Variants in SPTBN1 observed in about 807,000 individuals in gnomAD.
SPTBN1 encodes the protein spectrin beta chain, non-erythrocytic 1.
A neutral mutation model predicts 266.4 loss-of-function variants in SPTBN1; 32 were observed. The ratio of observed to expected loss-of-function variants is 0.12; its 90% CI spans 0.09 to 0.16. SPTBN1 has a LOEUF of 0.16. Ranked by LOEUF, SPTBN1 falls within the 10% of genes least tolerant of loss-of-function variation. The pLI is 1.00. For missense variants in SPTBN1, 2,296 were observed against 3,067.1 expected (o/e 0.75, Z 5.94); for synonymous variants, 1,336 against 1,162.2 (o/e 1.15, Z -3.04).
At chr2:54,477,683 G>A (rs1667904902) in intron 1 of SPTBN1, among the ~76,000 whole-genome samples, 1 of 152,146 alleles carries the variant, frequency 6.6e-6, no homozygotes. Flanking sequence ...GGAGGCTGAG[G>A]TGGGCGGAGC....
In SPTBN1 at chr2:54,630,835, G is replaced by A. The variant is rs1170157098; in HGVS notation, c.2808-20G>A. On this transcript the variant is annotated intron_variant, in intron 15 of 35. Coordinates refer to ENST00000356805, the MANE Select transcript of SPTBN1 (RefSeq NM_003128.3). ...CAGTCTTCCCTTTTTCACACTCGCT[G>A]TCTGCCCCTGCACTCACAGGTGGAG... The A allele has an allele frequency of 6.5e-7, 1 of 1,542,234 alleles. No homozygotes were observed. The highest frequency in any genetic ancestry group is 8.7e-7 in the Non-Finnish European group (1 of 1,143,672).
chr2:54,591,752 G>T (rs1675699026), intron 2 of SPTBN1, among the ~76,000 whole-genome samples: 1 of 152,230 alleles, frequency 6.6e-6, no homozygotes, highest in Non-Finnish European at 1.5e-5. Context: ...GGGTATTGCA[G>T]AAAGATGCCG....
intron 1 of SPTBN1, among the ~76,000 whole-genome samples, chr2:54,463,039 A>G (rs565966635): frequency 6.6e-6 from 1 of 152,346 alleles, no homozygotes; most frequent in African/African-American, 2.4e-5. Context: ...AGTGTTCAGA[A>G]TACAGTGAGA....
chr2:54,594,598 T>G (rs1175653983), intron 2 of SPTBN1, among the ~76,000 whole-genome samples: 1 of 152,164 alleles, frequency 6.6e-6, no homozygotes, highest in Non-Finnish European at 1.5e-5. Context: ...ACATAGTAAG[T>G]GCTCAGTGAA....
At chr2:54,537,631 G>A (rs1671688699) in intron 2 of SPTBN1, among the ~76,000 whole-genome samples, 1 of 152,196 alleles carries the variant, frequency 6.6e-6, no homozygotes, top group Admixed American at 6.5e-5. Context: ...CAAGGGAAGG[G>A]CTAAATAGCC....
At chr2:54,590,343 G>C (rs1331580106) in intron 2 of SPTBN1, among the ~76,000 whole-genome samples, 1 of 152,226 alleles carries the variant, frequency 6.6e-6, no homozygotes, top group Non-Finnish European at 1.5e-5. Context: ...AACAATTTCA[G>C]TGAGACCACC....
At chr2:54,613,263 G>A (rs1436290621) in intron 4 of SPTBN1, among the ~76,000 whole-genome samples, 2 of 152,202 alleles carry the variant, frequency 1.3e-5, no homozygotes, top group Admixed American at 6.5e-5. Flanking sequence ...CTCAGTGACT[G>A]TGTTCTCTTG....
chr2:54,608,395 C>T (rs13428524), intron 3 of SPTBN1, among the ~76,000 whole-genome samples: 5,188 of 152,142 alleles, frequency 0.034, 278 homozygotes, highest in African/African-American at 0.11. Flanking sequence ...GGGAATGTCT[C>T]CGGGAAGGAA....
At chr2:54,480,951 GT>G (rs1668063767) in intron 1 of SPTBN1, among the ~76,000 whole-genome samples, 1 of 152,130 alleles carries the variant, frequency 6.6e-6, no homozygotes, top group South Asian at 2.1e-4. Flanking sequence ...TGGGGAGGGG[GT>G]TAATTTTGGG....
chr2:54,655,425 C>T (rs929989538), intron 28 of SPTBN1, among the ~76,000 whole-genome samples: 1 of 152,180 alleles, frequency 6.6e-6, no homozygotes, highest in Admixed American at 6.5e-5. Flanking sequence ...TTTTTGAGGG[C>T]TACAAAATGG....
rs115991277 is a variant in SPTBN1 at position 54,657,799 on chromosome 2, C to T, written c.6047-51C>T. Reference sequence around the variant, plus strand: ...AGTGCCAAGAGGTAAGGCCATATGACTGCCCGGCACCTCCTGGTCAACGTG... The same window carrying T: ...AGTGCCAAGAGGTAAGGCCATATGATTGCCCGGCACCTCCTGGTCAACGTG... On this transcript the variant is annotated intron_variant, in intron 29 of 35. Coordinates refer to ENST00000356805, the MANE Select transcript of SPTBN1 (RefSeq NM_003128.3). The T allele has an allele frequency of 3.5e-4, 564 of 1,610,826 alleles. 1 individual carries two copies. In the African/African-American group the frequency reaches 5.4e-3, roughly 16 times the overall value.
chr2:54,478,359 TA>T (rs1233869061), intron 1 of SPTBN1, among the ~76,000 whole-genome samples: 3 of 152,134 alleles, frequency 2.0e-5, no homozygotes. Context: ...CAAGGACCTG[TA>T]GTGGGTCCCC....
intron 2 of SPTBN1, among the ~76,000 whole-genome samples, chr2:54,563,704 A>G (rs921136209): frequency 1.4e-5 from 2 of 143,658 alleles, no homozygotes; most frequent in Admixed American, 7.5e-5. Context: ...TCCGGGTTCA[A>G]GCGATTCTCC....
chr2:54,610,315 T>A (rs1302733243), intron 3 of SPTBN1, among the ~76,000 whole-genome samples: 1 of 152,262 alleles, frequency 6.6e-6, no homozygotes, highest in Non-Finnish European at 1.5e-5. Flanking sequence ...TTCCTATGCC[T>A]TTAAATTGTC....
chr2:54,491,815 G>C (rs1490106686), intron 1 of SPTBN1, among the ~76,000 whole-genome samples: 1 of 152,062 alleles, frequency 6.6e-6, no homozygotes. Flanking sequence ...TGCCCAGGCT[G>C]GTCTTGAACT....
At chr2:54,658,131 G>A (rs1227905061) in intron 30 of SPTBN1, 85 bp downstream of exon 30, 33 of 1,503,456 alleles carry the variant, frequency 2.2e-5, no homozygotes, top group African/African-American at 8.5e-5. Context: ...GAATTCACAC[G>A]ATTGCTTGTT....
intron 3 of SPTBN1, among the ~76,000 whole-genome samples, chr2:54,601,064 C>T (rs1676468318): frequency 2.0e-5 from 3 of 152,092 alleles, no homozygotes; most frequent in South Asian, 4.2e-4. Context: ...ATCTCCCACT[C>T]CTCTCCTTAT....
At chr2:54,513,650 A>C (rs1358310669) in intron 1 of SPTBN1, among the ~76,000 whole-genome samples, 2 of 152,210 alleles carry the variant, frequency 1.3e-5, no homozygotes, top group African/African-American at 4.8e-5. Flanking sequence ...CACATTAGCC[A>C]TAAGACCATG....
At chr2:54,635,658 T>G (rs929721377) in intron 17 of SPTBN1, among the ~76,000 whole-genome samples, 9 of 152,254 alleles carry the variant, frequency 5.9e-5, no homozygotes, top group Non-Finnish European at 1.0e-4. Flanking sequence ...TGTGTCCTGT[T>G]GTTAATTTCC....
Sources: gnomAD v4.1 joint callset for allele counts (sites outside exome capture counted in the v4.1 genomes callset) on GRCh38, gnomAD v4.1.1 for gene constraint, MANE v1.5 for transcripts, NCBI Gene and HGNC (gene_info 2026-07-23, HGNC 2026-07-21) for gene names.